The following RAB4A variants were observed in gnomAD, a reference collection of about 807,000 sequenced individuals.
RAB4A encodes ras-related protein Rab-4A.
In RAB4A, 20 loss-of-function variants were observed where a neutral mutation model predicts 34.5. The ratio of observed to expected loss-of-function variants is 0.58; its 90% CI spans 0.41 to 0.84. The LOEUF is 0.84. Ranked by LOEUF, RAB4A falls within the 40% of genes least tolerant of loss-of-function variation. The pLI, the probability that RAB4A is intolerant of heterozygous loss-of-function variation, is 0.00. For missense variants in RAB4A, 228 were observed against 274.5 expected, an observed-to-expected ratio of 0.83 and a Z score of 1.20; for synonymous variants, 102 against 100.0, an observed-to-expected ratio of 1.02 and a Z score of -0.12.
chr1:229,301,012 A>G (rs1657374522), intron 6 of RAB4A, among the ~76,000 whole-genome samples: 1 of 152,248 alleles, frequency 6.6e-6, no homozygotes, highest in Non-Finnish European at 1.5e-5. Flanking sequence ...ATGTAATAGT[A>G]ACAGAGGGAA....
chr1:229,286,012 C>T (rs1320966591), intron 1 of RAB4A, among the ~76,000 whole-genome samples: 3 of 152,228 alleles, frequency 2.0e-5, no homozygotes, highest in Non-Finnish European at 4.4e-5. Flanking sequence ...AGCAAGACCA[C>T]GTAAATCTGC....
intron 2 of RAB4A, among the ~76,000 whole-genome samples, chr1:229,287,896 T>C (rs552547536): frequency 6.6e-6 from 1 of 152,346 alleles, no homozygotes; most frequent in Non-Finnish European, 1.5e-5. Context: ...CAATGGACTG[T>C]ATAGCTGCGA....
chr1:229,287,115 T>G (rs1356047628), intron 2 of RAB4A, among the ~76,000 whole-genome samples: 1 of 152,156 alleles, frequency 6.6e-6, no homozygotes, highest in Non-Finnish European at 1.5e-5. Context: ...GAAAGGCCCT[T>G]AAAACAAAAA....
intron 1 of RAB4A, 94 bp downstream of exon 1, chr1:229,271,464 G>A: frequency 1.9e-6 from 2 of 1,068,588 alleles, no homozygotes; most frequent in Non-Finnish European, 1.2e-6. Context: ...CTTGAGGGTG[G>A]CGGTGGCGCC....
chr1:229,273,624 G>A lies in RAB4A; in HGVS notation c.31+2254G>A, dbSNP rs1169882723. Among the ~76,000 whole-genome samples, 7 of 152,078 alleles carry A rather than the reference G, an allele frequency of 4.6e-5. 1 individual carries two copies. The highest frequency in any genetic ancestry group is 1.2e-4 in the African/African-American group (5 of 41,406). On this transcript the variant is annotated intron_variant, in intron 1 of 7. Transcript: ENST00000366690. Reference sequence around the variant, plus strand: ...GGCATGGTGGTACGCTTGTAGTCCCGGCTACTTGGGAGGCTGAGGCATGAG... The same window carrying A: ...GGCATGGTGGTACGCTTGTAGTCCCAGCTACTTGGGAGGCTGAGGCATGAG...
chr1:229,288,750 C>CA lies in RAB4A; in HGVS notation c.136dup (p.Ile46AsnfsTer15), dbSNP rs1364360444. ...TTAGTCAAAGATGACTCAAATCATA[C>CA]AATAGGAGTGGAATTTGGTTCAAAG... On this transcript the variant is annotated frameshift_variant, in exon 3 of 8. Coordinates refer to ENST00000366690, the MANE Select transcript of RAB4A (RefSeq NM_004578.4). LOFTEE classifies it high-confidence loss of function. 1 of 1,565,516 alleles carries CA rather than the reference C, an allele frequency of 6.4e-7. No homozygotes were observed. Among genetic ancestry groups the CA allele is most frequent in the Admixed American group, 1.7e-5 (1 of 58,842 alleles).
In RAB4A at chr1:229,299,020, A is replaced by G. The variant is rs1657313466; in HGVS notation, c.489A>G (p.Val163=). ...CAAGTGCGCTCACAGGGGAGAATGT[A>G]GAAGAGGCTTTTGTACAGTGTGCAA... ...LETSALTGEN[V]EEAFVQCARK... The change falls in exon 6 of 8, where the codon GTA becomes GTG. Residue 163 remains valine, a synonymous_variant. Coordinates refer to ENST00000366690, the MANE Select transcript of RAB4A (RefSeq NM_004578.4). 6.2e-7 allele frequency: 1 copy of G among 1,611,404 alleles called. No individual in the cohort carries two copies. Among genetic ancestry groups the G allele is most frequent in the Non-Finnish European group, 8.5e-7 (1 of 1,179,460 alleles).
chr1:229,294,285 A>C (rs1198179074), intron 3 of RAB4A, among the ~76,000 whole-genome samples: 1 of 152,220 alleles, frequency 6.6e-6, no homozygotes, highest in African/African-American at 2.4e-5. Flanking sequence ...AGAGCCCAGG[A>C]CCCAGCTCTG....
chr1:229,299,171 G>A, intron 6 of RAB4A, 99 bp downstream of exon 6: 2 of 833,944 alleles, frequency 2.4e-6, no homozygotes, highest in Non-Finnish European at 3.7e-6. Flanking sequence ...ATTTAGTAAA[G>A]AATGTTCTCT....
rs1657139864 is a variant in RAB4A, at chr1:229,293,180, CCACCTCCCAG to C, written c.228-2660_228-2651del. Among the ~76,000 whole-genome samples, 3 of 152,204 alleles carry C rather than the reference CCACCTCCCAG, an allele frequency of 2.0e-5. No individual in the cohort carries two copies. In the South Asian group the frequency reaches 6.2e-4, roughly 31 times the overall value. ...TTAGGAGACGAGGTATGGGGATGGG[CCACCTCCCAG>C]CACCTCCATGCCACCACCAGCCCAG... On this transcript the variant is annotated intron_variant, in intron 3 of 7. Coordinates refer to ENST00000366690, the MANE Select transcript of RAB4A (RefSeq NM_004578.4).
intron 1 of RAB4A, among the ~76,000 whole-genome samples, chr1:229,282,516 C>G (rs1048710688): frequency 1.5e-4 from 23 of 152,144 alleles, no homozygotes; most frequent in Non-Finnish European, 5.9e-5. Flanking sequence ...TCTTAGAGTG[C>G]TTTTTTCAAC....
chr1:229,277,853 G>A (rs1656688990), intron 1 of RAB4A, among the ~76,000 whole-genome samples: 1 of 151,166 alleles, frequency 6.6e-6, no homozygotes, highest in Non-Finnish European at 1.5e-5. Flanking sequence ...CAGGCTGCTG[G>A]TCCATCTCCT....
chr1:229,280,168 C>T (rs1656747681), intron 1 of RAB4A, among the ~76,000 whole-genome samples: 1 of 152,150 alleles, frequency 6.6e-6, no homozygotes, highest in African/African-American at 2.4e-5. Context: ...AAAACTAGTA[C>T]AGATTCTGCC....
intron 7 of RAB4A, among the ~76,000 whole-genome samples, chr1:229,303,327 C>G (rs1437651711): frequency 1.3e-5 from 2 of 151,542 alleles, no homozygotes; most frequent in Non-Finnish European, 2.9e-5. Flanking sequence ...CCACTGCACT[C>G]CAGCCTGGGC....
intron 1 of RAB4A, among the ~76,000 whole-genome samples, chr1:229,283,165 A>G (rs1296814796): frequency 6.6e-6 from 1 of 152,206 alleles, no homozygotes; most frequent in African/African-American, 2.4e-5. Context: ...CCATTGACAC[A>G]TGAGAGGAAT....
Position 229,288,132 on chromosome 1 carries a change from G to A in RAB4A, c.113-597G>A, listed in dbSNP as rs200932631. 4.6e-5 allele frequency among the ~76,000 whole-genome samples: 7 copies of A among 152,182 alleles called. No individual in the cohort carries two copies. In the East Asian group the frequency reaches 5.8e-4, roughly 13 times the overall value. On this transcript the variant is annotated intron_variant, in intron 2 of 7. Transcript: ENST00000366690. ...GGTTTTGTTTTGGGGTTTATTGGAG[G>A]GTGTATTGTTTTGGGGTTTGTTGGA...
intron 1 of RAB4A, among the ~76,000 whole-genome samples, chr1:229,277,303 C>G (rs1656676210): frequency 6.6e-6 from 1 of 151,036 alleles, no homozygotes; most frequent in Non-Finnish European, 1.5e-5. Flanking sequence ...TTAATTCAGG[C>G]TTAGGTAAAC....
At chr1:229,282,516 CT>C (rs1656803541) in intron 1 of RAB4A, among the ~76,000 whole-genome samples, 1 of 152,144 alleles carries the variant, frequency 6.6e-6, no homozygotes, top group Non-Finnish European at 1.5e-5. Flanking sequence ...TCTTAGAGTG[CT>C]TTTTTCAACC....
At chr1:229,291,520 G>T (rs1657085771) in intron 3 of RAB4A, among the ~76,000 whole-genome samples, 2 of 152,224 alleles carry the variant, frequency 1.3e-5, no homozygotes, top group Admixed American at 6.5e-5. Context: ...GGAAGAAACA[G>T]CTCTGAAATT....
Sources: gnomAD v4.1 joint callset for allele counts (sites outside exome capture counted in the v4.1 genomes callset) on GRCh38, gnomAD v4.1.1 for gene constraint, MANE v1.5 for transcripts, NCBI Gene and HGNC (gene_info 2026-07-23, HGNC 2026-07-21) for gene names.